The following NRG1 variants were observed in gnomAD, a reference collection of about 807,000 sequenced individuals.
NRG1 encodes the protein pro-neuregulin-1, membrane-bound isoform.
NRG1 carries 18 observed loss-of-function variants against 63.8 expected under a neutral mutation model. The ratio of observed to expected loss-of-function variants is 0.28; its 90% CI spans 0.19 to 0.42. NRG1 has a LOEUF of 0.42. NRG1 is among the 10% of genes least tolerant of loss of function. NRG1 has a pLI of 1.00. For synonymous variants in NRG1, 302 were observed against 301.3 expected, an observed-to-expected ratio of 1.00 and a Z score of -0.02; for missense variants, 762 against 814.7, an observed-to-expected ratio of 0.94 and a Z score of 0.79.
At chr8:31,643,032 C>A (rs1417876175) in intron 1 of NRG1, among the ~76,000 whole-genome samples, 1 of 151,412 alleles carries the variant, frequency 6.6e-6, no homozygotes, top group East Asian at 1.9e-4. Flanking sequence ...GTGAATTCAT[C>A]CAGTTGTGTG....
chr8:32,413,322 A>G (rs1255751040), intron 1 of NRG1, among the ~76,000 whole-genome samples: 1 of 152,214 alleles, frequency 6.6e-6, no homozygotes, highest in East Asian at 1.9e-4. Flanking sequence ...TTACTTGGGT[A>G]ATCATTCAAG....
intron 1 of NRG1, among the ~76,000 whole-genome samples, chr8:32,182,734 A>G (rs1841564277): frequency 6.6e-6 from 1 of 152,202 alleles, no homozygotes; most frequent in South Asian, 2.1e-4. Flanking sequence ...TAATTAATAT[A>G]AAATCTTTAC....
At chr8:32,132,896 G>C (rs1382324817) in intron 1 of NRG1, among the ~76,000 whole-genome samples, 1 of 152,074 alleles carries the variant, frequency 6.6e-6, no homozygotes, top group Non-Finnish European at 1.5e-5. Context: ...AATACTGTCA[G>C]ATTCTGCGGT....
chr8:32,604,005 C>T (rs370070393), intron 2 of NRG1, among the ~76,000 whole-genome samples: 15 of 152,288 alleles, frequency 9.8e-5, no homozygotes, highest in South Asian at 6.2e-4. Flanking sequence ...GTATGCTCCA[C>T]GAGACTAGCA....
intron 1 of NRG1, among the ~76,000 whole-genome samples, chr8:32,128,145 C>T (rs373921695): frequency 5.9e-5 from 9 of 151,922 alleles, no homozygotes; most frequent in African/African-American, 1.9e-4. Context: ...GTTTCTTCCT[C>T]CCTGAACCTG....
chr8:32,194,305 G>A (rs1043619060), intron 1 of NRG1, among the ~76,000 whole-genome samples: 2 of 152,150 alleles, frequency 1.3e-5, no homozygotes, highest in South Asian at 2.1e-4. Context: ...CATCTGAACC[G>A]CGGATAAAAT....
intron 1 of NRG1, among the ~76,000 whole-genome samples, chr8:32,413,600 C>G (rs1763954626): frequency 6.6e-6 from 1 of 152,184 alleles, no homozygotes; most frequent in South Asian, 2.1e-4. Flanking sequence ...AATCTGCCTT[C>G]TATAGAACAC....
chr8:31,856,455 T>C (rs201138781), intron 1 of NRG1, among the ~76,000 whole-genome samples: 1 of 152,230 alleles, frequency 6.6e-6, no homozygotes, highest in East Asian at 1.9e-4. Context: ...CCTTGGTTTT[T>C]AGCTCCATCA....
intron 1 of NRG1, among the ~76,000 whole-genome samples, chr8:31,709,770 T>A (rs534321904): frequency 1.3e-5 from 2 of 152,092 alleles, no homozygotes; most frequent in East Asian, 3.9e-4. Flanking sequence ...TTGGCTTTTT[T>A]ATTTTTCTTT....
At chr8:32,318,184 C>G (rs1469703678) in intron 1 of NRG1, among the ~76,000 whole-genome samples, 1 of 152,116 alleles carries the variant, frequency 6.6e-6, no homozygotes, top group Non-Finnish European at 1.5e-5. Flanking sequence ...AAGCTTAAGA[C>G]AGAGATGTTA....
chr8:32,323,073 T>C (rs1237735958), intron 1 of NRG1, among the ~76,000 whole-genome samples: 2 of 152,096 alleles, frequency 1.3e-5, no homozygotes, highest in African/African-American at 4.8e-5. Context: ...AAGGTCATTA[T>C]GAAATATGCT....
intron 1 of NRG1, among the ~76,000 whole-genome samples, chr8:31,915,674 T>C (rs1833323152): frequency 6.6e-6 from 1 of 152,156 alleles, no homozygotes; most frequent in Admixed American, 6.6e-5. Context: ...GCTCATTTTA[T>C]ATCCTTTACA....
At chr8:32,710,952 T>C (rs1304148087) in intron 5 of NRG1, among the ~76,000 whole-genome samples, 2 of 152,178 alleles carry the variant, frequency 1.3e-5, no homozygotes, top group East Asian at 3.8e-4. Flanking sequence ...CTGCTAAGTA[T>C]GCACAACCTA....
At chr8:31,831,401 C>A (rs1011270997) in intron 1 of NRG1, among the ~76,000 whole-genome samples, 1 of 151,570 alleles carries the variant, frequency 6.6e-6, no homozygotes, top group African/African-American at 2.4e-5. Flanking sequence ...CCGTGCCCAG[C>A]CCACATTCTT....
At position 32,463,723 on chromosome 8, in the gene NRG1, C is replaced by T. The variant is rs188737171; in HGVS notation, c.38-132105C>T. 9.2e-5 allele frequency among the ~76,000 whole-genome samples: 14 copies of T among 151,848 alleles called. No homozygotes were observed. The East Asian group carries it at 2.7e-3, about 30-fold the overall frequency. On this transcript the variant is annotated intron_variant, in intron 1 of 10. Coordinates refer to the NRG1 transcript ENST00000519301. ...TAGTTTGGTGGCACATGCCTGTAGT[C>T]CCAGCTACTCAGGAGGCTGAGGTGT...
At position 32,196,129 on chromosome 8, in the gene NRG1, G is replaced by GTGTGTGTGTGTGTGTGTGTGTGTT. The variant is rs1202792698; in HGVS notation, c.38-399676_38-399675insTTGTGTGTGTGTGTGTGTGTGTGT. Reference sequence around the variant, plus strand: ...CAGTAAAAACAATGAGTGTGTGTGTGTGTGTGTGTGTGTGTGTGTGTGTAT... The same window carrying GTGTGTGTGTGTGTGTGTGTGTGTT: ...CAGTAAAAACAATGAGTGTGTGTGTGTGTGTGTGTGTGTGTGTGTGTGTTTGTGTGTGTGTGTGTGTGTGTGTAT... On this transcript the variant is annotated intron_variant, in intron 1 of 10. Coordinates refer to the NRG1 transcript ENST00000519301. Among the ~76,000 whole-genome samples the GTGTGTGTGTGTGTGTGTGTGTGTT allele has an allele frequency of 3.3e-5, 5 of 151,656 alleles. No individual in the cohort carries two copies. The East Asian group carries it at 7.7e-4, about 23-fold the overall frequency.
intron 1 of NRG1, among the ~76,000 whole-genome samples, chr8:32,150,526 G>A (rs1542589): frequency 0.77 from 117,417 of 152,138 alleles, 46,230 homozygotes; most frequent in African/African-American, 0.91. Flanking sequence ...CCATGTGAGG[G>A]CGTAGCAAGA....
intron 1 of NRG1, among the ~76,000 whole-genome samples, chr8:32,381,119 CG>C (rs1810289085): frequency 6.6e-6 from 1 of 152,114 alleles, no homozygotes; most frequent in Non-Finnish European, 1.5e-5. Flanking sequence ...CTATCCTGCC[CG>C]GGCTACACAT....
chr8:32,204,884 A>G (rs1843865831), intron 1 of NRG1, among the ~76,000 whole-genome samples: 1 of 152,246 alleles, frequency 6.6e-6, no homozygotes, highest in South Asian at 2.1e-4. Flanking sequence ...TTCCTGAATC[A>G]GAAATGTGTT....
Sources: allele counts gnomAD v4.1 joint callset (sites outside exome capture counted in the v4.1 genomes callset), GRCh38; gene constraint gnomAD v4.1.1; transcripts MANE v1.5; gene names NCBI Gene and HGNC (gene_info 2026-07-23, HGNC 2026-07-21).